SLC43A2: variants seen among roughly 807,000 people sequenced by gnomAD.
SLC43A2 encodes solute carrier family 43 member 2.
SLC43A2 carries 38 observed loss-of-function variants against 63.2 expected under a neutral mutation model. The observed-to-expected ratio is 0.60, with a 90% confidence interval of 0.46 to 0.79. The LOEUF (loss-of-function observed/expected upper bound fraction) is 0.79. Among genes scored for constraint, SLC43A2 ranks in the 30% least tolerant of loss-of-function variants. The probability of loss-of-function intolerance (pLI) is 0.00; values close to 1 mark genes in which losing one functional copy is unlikely to be tolerated. For missense variants in SLC43A2, 644 were observed against 756.2 expected (o/e 0.85, Z 1.74); for synonymous variants, 322 against 331.0 (o/e 0.97, Z 0.30).
At position 1,622,682 on chromosome 17, in the gene SLC43A2, G is replaced by A. The variant is rs1046916240; in HGVS notation, c.160+5033C>T. Among the ~76,000 whole-genome samples, 4 of 152,362 alleles carry A rather than the reference G, an allele frequency of 2.6e-5. No individual in the cohort carries two copies. The East Asian group carries it at 7.7e-4, about 29-fold the overall frequency. ...TAATCCCAGCACTTTGGGAGGCCAAGGCTGGTAGATCACCTGAGGTCAGGA... is the reference window on the plus strand; with the variant it reads ...TAATCCCAGCACTTTGGGAGGCCAAAGCTGGTAGATCACCTGAGGTCAGGA... On this transcript the variant is annotated intron_variant, in intron 2 of 13. Transcript: ENST00000301335.
intron 5 of SLC43A2, among the ~76,000 whole-genome samples, chr17:1,610,365 C>G (rs531923559): frequency 6.6e-6 from 1 of 151,108 alleles, no homozygotes; most frequent in African/African-American, 2.4e-5. Context: ...TGGGCTCAAG[C>G]CTTCCTCCCA....
intron 5 of SLC43A2, among the ~76,000 whole-genome samples, chr17:1,601,497 G>A (rs747504604): frequency 1.3e-5 from 2 of 152,064 alleles, no homozygotes; most frequent in Non-Finnish European, 2.9e-5. Context: ...GGGAGCCAAG[G>A]CCAAACTGAT....
At chr17:1,588,793 C>T (rs1598446218) in intron 9 of SLC43A2, among the ~76,000 whole-genome samples, 1 of 151,684 alleles carries the variant, frequency 6.6e-6, no homozygotes, top group Non-Finnish European at 1.5e-5. Flanking sequence ...TGTTTGATGG[C>T]GGGTCTCAAA....
In SLC43A2 at chr17:1,573,368, A is replaced by T. The variant is rs2075874966; in HGVS notation, c.*2236T>A. On this transcript the variant is annotated 3_prime_UTR_variant, in exon 14 of 14. Transcript: ENST00000301335. Reference sequence around the variant, plus strand: ...CCGGGAGCCTCTGCTGGGGGTGATCATGGAGCCGCACGTGGAGGCTGGTGG... The same window carrying T: ...CCGGGAGCCTCTGCTGGGGGTGATCTTGGAGCCGCACGTGGAGGCTGGTGG... The T allele has an allele frequency of 6.6e-6, 1 of 152,182 alleles. No homozygotes were observed. The highest frequency in any genetic ancestry group is 1.5e-5 in the Non-Finnish European group (1 of 68,074). 9.4% of individuals were successfully genotyped at this position (152,182 alleles called of 1,614,324 possible).
chr17:1,586,927 A>AGGGCCCCCCCCC, intron 9 of SLC43A2: 6 of 1,355,922 alleles, frequency 4.4e-6, no homozygotes, highest in Non-Finnish European at 6.1e-6. Flanking sequence ...TTCCCTGACA[A>AGGGCCCCCCCCC]TCCCCCCCAC....
intron 9 of SLC43A2, among the ~76,000 whole-genome samples, chr17:1,589,311 G>C (rs111735177): frequency 2.0e-5 from 3 of 152,156 alleles, no homozygotes; most frequent in Non-Finnish European, 4.4e-5. Context: ...CTCCAGGGCT[G>C]AATGTTTATC....
Position 1,576,819 on chromosome 17 carries a change from G to A in SLC43A2, c.1425-99C>T, listed in dbSNP as rs1367531054. On this transcript the variant is annotated intron_variant, in intron 12 of 13. Coordinates refer to ENST00000301335, the MANE Select transcript of SLC43A2 (RefSeq NM_152346.3). ...GGGCTGCACCGTTGGTGCCAGAGAA[G>A]GGTGGGGTGCCAGCCCTCGGATTCC... is the stretch of plus-strand genomic sequence containing the variant. The A allele has an allele frequency of 8.9e-6, 13 of 1,457,214 alleles. No individual in the cohort carries two copies. The East Asian group carries it at 2.0e-4, about 22-fold the overall frequency. The allele number at this position is 1,457,214 out of a possible 1,614,324, so 90.3% of individuals were successfully genotyped here.
At chr17:1,616,430 C>A in intron 3 of SLC43A2, 132 bp downstream of exon 3, 1 of 860,004 alleles carries the variant, frequency 1.2e-6, no homozygotes, top group South Asian at 1.8e-5. Flanking sequence ...GGTAGGAACT[C>A]CATTCTGGAG....
intron 2 of SLC43A2, among the ~76,000 whole-genome samples, chr17:1,619,937 C>T (rs1171951952): frequency 1.3e-5 from 2 of 152,114 alleles, no homozygotes; most frequent in African/African-American, 2.4e-5. Context: ...GCAGGAGCCA[C>T]GGGGACAAGG....
intron 9 of SLC43A2, chr17:1,586,836 C>G: frequency 8.5e-7 from 1 of 1,173,278 alleles, no homozygotes; most frequent in Non-Finnish European, 1.2e-6. Flanking sequence ...CCCCACGGCT[C>G]TAGCCAGGAG....
rs1445762911 is a variant in SLC43A2 at position 1,570,567 on chromosome 17, A to G, written c.*5037T>C. Reference sequence around the variant, plus strand: ...AGTGGCGGGATCTCGGCTCACTGCAAGCTCCGCCTCCCGGGTTCACACCAT... The same window carrying G: ...AGTGGCGGGATCTCGGCTCACTGCAGGCTCCGCCTCCCGGGTTCACACCAT... On this transcript the variant is annotated 3_prime_UTR_variant, in exon 14 of 14. Coordinates refer to ENST00000301335, the MANE Select transcript of SLC43A2 (RefSeq NM_152346.3). 1.4e-5 allele frequency: 2 copies of G among 146,736 alleles called. No individual in the cohort carries two copies. The highest frequency in any genetic ancestry group is 3.0e-5 in the Non-Finnish European group (2 of 66,562). The allele number at this position is 146,736 out of a possible 1,614,324, so 9.1% of individuals were successfully genotyped here. A position where few individuals can be genotyped will look rare whatever the true frequency, so the allele number is the denominator to read the frequency against.
In SLC43A2 at chr17:1,578,368, C is replaced by T. The variant is rs368561561; in HGVS notation, c.1351-45G>A. On this transcript the variant is annotated intron_variant, in intron 11 of 13. Coordinates refer to ENST00000301335, the MANE Select transcript of SLC43A2 (RefSeq NM_152346.3). The surrounding 1 kb of genome is among the most constrained non-coding windows in gnomAD (Gnocchi z 6.5). Reference sequence around the variant, plus strand: ...CTGTGGGCATAAGGCCTTAAGGGACCGTCCCCTCAGCCCCCGCCCTCCAAT... The same window carrying T: ...CTGTGGGCATAAGGCCTTAAGGGACTGTCCCCTCAGCCCCCGCCCTCCAAT... 3.9e-5 allele frequency: 62 copies of T among 1,586,050 alleles called. No individual in the cohort carries two copies. Among genetic ancestry groups the T allele is most frequent in the East Asian group, 3.6e-4 (16 of 44,130 alleles).
At chr17:1,620,668 C>T (rs1908076030) in intron 2 of SLC43A2, among the ~76,000 whole-genome samples, 2 of 152,126 alleles carry the variant, frequency 1.3e-5, no homozygotes, top group Non-Finnish European at 2.9e-5. Flanking sequence ...TCTCCTTCTG[C>T]TTGTGGAGCA....
chr17:1,614,120 G>A (rs987586219), intron 4 of SLC43A2, among the ~76,000 whole-genome samples: 6 of 152,078 alleles, frequency 3.9e-5, no homozygotes, highest in African/African-American at 1.2e-4. Flanking sequence ...GCGGGTGCCC[G>A]TGGTCCCAAC....
At chr17:1,586,365 G>A (rs1203364750) in intron 9 of SLC43A2, among the ~76,000 whole-genome samples, 1 of 152,132 alleles carries the variant, frequency 6.6e-6, no homozygotes, top group Non-Finnish European at 1.5e-5. Context: ...TCCTGTGACG[G>A]AGGCTAAGTG....
chr17:1,595,602 T>C (rs966616368), intron 5 of SLC43A2, among the ~76,000 whole-genome samples: 1 of 152,070 alleles, frequency 6.6e-6, no homozygotes, highest in Non-Finnish European at 1.5e-5. Flanking sequence ...TGCACCACCA[T>C]GCCCGGCTAA....
intron 11 of SLC43A2, among the ~76,000 whole-genome samples, chr17:1,582,252 A>G (rs2076030926): frequency 6.6e-6 from 1 of 151,672 alleles, no homozygotes; most frequent in Non-Finnish European, 1.5e-5. Flanking sequence ...GCTAACTTTT[A>G]TATTTTCTGT....
Position 1,593,789 on chromosome 17 carries a change from C to T in SLC43A2, c.502-510G>A, listed in dbSNP as rs1489273575. The stretch of plus-strand genomic sequence containing the variant: ...TTGGAAGATGTCAATCAGAATTCTA[C>T]AGTTCTCTTCGGTCTGAGGATGAAG... On this transcript the variant is annotated intron_variant, in intron 5 of 13. Transcript: ENST00000301335. This position sits in a 1 kb window ranked among gnomAD's most constrained non-coding sequence, Gnocchi z 5.3. Among the ~76,000 whole-genome samples, 1 of 152,130 alleles carries T rather than the reference C, an allele frequency of 6.6e-6. No homozygotes were observed. The highest frequency in any genetic ancestry group is 2.4e-5 in the African/African-American group (1 of 41,432).
intron 5 of SLC43A2, among the ~76,000 whole-genome samples, chr17:1,602,907 C>A (rs1169326707): frequency 1.3e-5 from 2 of 151,056 alleles, no homozygotes; most frequent in African/African-American, 4.9e-5. Flanking sequence ...TACAGGCACC[C>A]GCCACCACAC....
Sources: gnomAD v4.1 joint callset for allele counts (sites outside exome capture counted in the v4.1 genomes callset) on GRCh38, gnomAD v4.1.1 for gene constraint, Gnocchi (gnomAD v3.1) non-coding constraint, MANE v1.5 for transcripts, NCBI Gene and HGNC (gene_info 2026-07-23, HGNC 2026-07-21) for gene names.